The following BMPR1B variants were observed in gnomAD, a reference collection of about 807,000 sequenced individuals.
The protein encoded by BMPR1B is bone morphogenetic protein receptor type-1B.
BMPR1B carries 12 observed loss-of-function variants against 59.1 expected under a neutral mutation model. The ratio of observed to expected loss-of-function variants is 0.20; its 90% CI spans 0.13 to 0.33. The LOEUF (loss-of-function observed/expected upper bound fraction) is 0.33, where lower values mean the gene tolerates loss of function less well. Ranked by LOEUF, BMPR1B falls within the 10% of genes least tolerant of loss-of-function variation. The pLI, the probability that BMPR1B is intolerant of heterozygous loss-of-function variation, is 1.00. For synonymous variants in BMPR1B, 237 were observed against 207.3 expected, an observed-to-expected ratio of 1.14 and a Z score of -1.23; for missense variants, 550 against 610.9, an observed-to-expected ratio of 0.90 and a Z score of 1.05.
chr4:94,896,034 A>G (rs2148994811), intron 2 of BMPR1B, among the ~76,000 whole-genome samples: 2 of 152,116 alleles, frequency 1.3e-5, no homozygotes, highest in Middle Eastern at 3.4e-3. Flanking sequence ...ATCTTTTAGC[A>G]AGGATAGCAG....
intron 3 of BMPR1B, among the ~76,000 whole-genome samples, chr4:95,058,902 C>A (rs548409630): frequency 6.6e-6 from 1 of 152,026 alleles, no homozygotes; most frequent in African/African-American, 2.4e-5. Flanking sequence ...TTTTTTATGG[C>A]GCTGAATCTC....
chr4:95,059,263 C>T (rs1399515952), intron 3 of BMPR1B, among the ~76,000 whole-genome samples: 1 of 152,154 alleles, frequency 6.6e-6, no homozygotes, highest in Non-Finnish European at 1.5e-5. Context: ...CCTTTTTCTT[C>T]ACACACTTGC....
At chr4:94,993,345 TCTTAC>T (rs1242032925) in intron 2 of BMPR1B, among the ~76,000 whole-genome samples, 1 of 152,208 alleles carries the variant, frequency 6.6e-6, no homozygotes, top group East Asian at 1.9e-4. Flanking sequence ...ACACTCTTTC[TCTTAC>T]CTTACAAGAG....
At chr4:94,954,785 A>C (rs1162396289) in intron 2 of BMPR1B, among the ~76,000 whole-genome samples, 1 of 152,204 alleles carries the variant, frequency 6.6e-6, no homozygotes, top group Non-Finnish European at 1.5e-5. Context: ...AAGTGTTAAT[A>C]TTTATAAAGC....
rs60003954 is a variant in BMPR1B, at chr4:94,985,509, C to CTGTGTGTG, written c.-112-10489_-112-10482dup. Among the ~76,000 whole-genome samples, 829 of 138,856 alleles carry CTGTGTGTG rather than the reference C, an allele frequency of 6.0e-3. 5 individuals are homozygous for CTGTGTGTG. Among genetic ancestry groups the CTGTGTGTG allele is most frequent in the African/African-American group, 0.017 (657 of 38,000 alleles). 91.1% of individuals were successfully genotyped at this position (138,856 alleles called of 152,430 possible). A position where few individuals can be genotyped will look rare whatever the true frequency, so the allele number is the denominator to read the frequency against. On this transcript the variant is annotated intron_variant, in intron 2 of 12. Coordinates refer to ENST00000515059, the MANE Select transcript of BMPR1B (RefSeq NM_001203.3). ...AACACCAGAGAAACCAAAATAAGAGCTGTGTGTGTGTGTGTGTGTGTGTGT... is the reference window on the plus strand; with the variant it reads ...AACACCAGAGAAACCAAAATAAGAGCTGTGTGTGTGTGTGTGTGTGTGTGTGTGTGTGT...
intron 1 of BMPR1B, among the ~76,000 whole-genome samples, chr4:94,764,244 G>A (rs1245523925): frequency 6.6e-6 from 1 of 152,124 alleles, no homozygotes; most frequent in African/African-American, 2.4e-5. Context: ...TCCAAAAAAC[G>A]TAGGTCACTG....
chr4:94,987,462 A>G (rs1260258796), intron 2 of BMPR1B, among the ~76,000 whole-genome samples: 3 of 152,008 alleles, frequency 2.0e-5, no homozygotes, highest in East Asian at 1.9e-4. Flanking sequence ...CTACTGCCAT[A>G]TAATTAATGA....
At chr4:95,100,131 A>T (rs567117152) in intron 3 of BMPR1B, among the ~76,000 whole-genome samples, 1 of 152,198 alleles carries the variant, frequency 6.6e-6, no homozygotes, top group East Asian at 1.9e-4. Flanking sequence ...ATTATCTTGG[A>T]GGTAAGCTTC....
chr4:95,054,536 C>G (rs965509055), intron 3 of BMPR1B, among the ~76,000 whole-genome samples: 1 of 152,138 alleles, frequency 6.6e-6, no homozygotes, highest in Non-Finnish European at 1.5e-5. Flanking sequence ...TGGTCAAAAT[C>G]TGTAGTGTTA....
chr4:94,990,601 C>T (rs1184949705), intron 2 of BMPR1B, among the ~76,000 whole-genome samples: 2 of 152,160 alleles, frequency 1.3e-5, no homozygotes, highest in African/African-American at 4.8e-5. Flanking sequence ...ATGTAACTTA[C>T]AGTGTAACTG....
intron 1 of BMPR1B, among the ~76,000 whole-genome samples, chr4:94,785,189 C>T (rs1272556928): frequency 1.3e-5 from 2 of 152,198 alleles, no homozygotes; most frequent in Non-Finnish European, 2.9e-5. Context: ...GTTTTCCTTC[C>T]TGTCCTGCCT....
intron 1 of BMPR1B, among the ~76,000 whole-genome samples, chr4:94,794,293 T>G (rs1723099641): frequency 6.6e-6 from 1 of 151,000 alleles, no homozygotes; most frequent in Non-Finnish European, 1.5e-5. Flanking sequence ...CCCCATTGCT[T>G]GTTTTTCTCA....
rs28456333 is a variant in BMPR1B at position 94,800,502 on chromosome 4, G to A, written c.-183+42434G>A. ...GTGGCCTTTTAGTGAAAAAGACAAG[G>A]ACTGTTAAGCACCTAATATGAGTCC... is the stretch of plus-strand genomic sequence containing the variant. On this transcript the variant is annotated intron_variant, in intron 1 of 12. Transcript: ENST00000515059. Among the ~76,000 whole-genome samples the A allele has an allele frequency of 8.8e-3, 1,305 of 147,962 alleles. 18 individuals are homozygous for A. Among genetic ancestry groups the A allele is most frequent in the African/African-American group, 0.026 (1,045 of 39,614 alleles).
chr4:94,998,937 A>C (rs115903812), intron 3 of BMPR1B, among the ~76,000 whole-genome samples: 12 of 151,974 alleles, frequency 7.9e-5, no homozygotes, highest in Admixed American at 2.6e-4. Context: ...AACATCTCCT[A>C]TTTCTCAAAA....
chr4:94,907,322 A>G (rs76134826), intron 2 of BMPR1B, among the ~76,000 whole-genome samples: 1,538 of 152,198 alleles, frequency 0.01, 36 homozygotes, highest in African/African-American at 0.036. Flanking sequence ...TTGACCCAGA[A>G]TGGCATTGCC....
At chr4:95,130,723 CTTTTTTTTTT>C (rs148720302) in intron 9 of BMPR1B, among the ~76,000 whole-genome samples, 4 of 77,930 alleles carry the variant, frequency 5.1e-5, no homozygotes, top group Non-Finnish European at 9.0e-5. Flanking sequence ...CTTTTCTTTT[CTTTTTTTTTT>C]TTTTTTTTTT....
chr4:94,989,515 G>A (rs1281523883), intron 2 of BMPR1B, among the ~76,000 whole-genome samples: 1 of 151,796 alleles, frequency 6.6e-6, no homozygotes, highest in African/African-American at 2.4e-5. Flanking sequence ...ACCTAACATT[G>A]ATCTGATAGA....
chr4:94,892,002 C>T (rs1349850830), intron 2 of BMPR1B, among the ~76,000 whole-genome samples: 1 of 152,054 alleles, frequency 6.6e-6, no homozygotes, highest in Non-Finnish European at 1.5e-5. Context: ...ATATAAAGCA[C>T]TGTCTTGGGG....
chr4:94,922,430 A>C (rs1728737733), intron 2 of BMPR1B, among the ~76,000 whole-genome samples: 1 of 152,170 alleles, frequency 6.6e-6, no homozygotes, highest in Non-Finnish European at 1.5e-5. Context: ...AGCAAACCAC[A>C]AATAAAACAT....
Sources: allele counts gnomAD v4.1 joint callset (sites outside exome capture counted in the v4.1 genomes callset), GRCh38; gene constraint gnomAD v4.1.1; transcripts MANE v1.5; gene names NCBI Gene and HGNC (gene_info 2026-07-23, HGNC 2026-07-21).